The following DPP6 variants were observed in gnomAD, a reference collection of about 807,000 sequenced individuals.
DPP6 encodes the protein dipeptidyl peptidase like 6, also known as A-type potassium channel modulatory protein DPP6.
DPP6 carries 69 observed loss-of-function variants against 122.6 expected under a neutral mutation model. That is an observed-to-expected ratio of 0.56 (90% confidence interval 0.46 to 0.69). DPP6 has a LOEUF of 0.69. Ranked by LOEUF, DPP6 falls within the 30% of genes least tolerant of loss-of-function variation. The pLI, the probability that DPP6 is intolerant of heterozygous loss-of-function variation, is 0.00. For synonymous variants in DPP6, 418 were observed against 433.1 expected, an observed-to-expected ratio of 0.97 and a Z score of 0.43; for missense variants, 928 against 1,116.9, an observed-to-expected ratio of 0.83 and a Z score of 2.41.
chr7:153,771,551 G>T, the DPP6 span, among the ~76,000 whole-genome samples: 3 of 152,224 alleles, frequency 2.0e-5, no homozygotes, highest in East Asian at 5.8e-4. Context: ...TGTTGGCCAG[G>T]CTGGTCTCTA....
Position 154,481,315 on chromosome 7 carries a change from C to T in DPP6, c.457+6278C>T, listed in dbSNP as rs750910077. ...CAATTCTCTAGCTCAAATGCTCTTC[C>T]GAGCTATACACTTGGAGAGAGAGAG... On this transcript the variant is annotated intron_variant, in intron 3 of 25. Transcript: ENST00000377770. This position sits in a 1 kb window ranked among gnomAD's most constrained non-coding sequence, Gnocchi z 4.2. Among the ~76,000 whole-genome samples the T allele has an allele frequency of 1.3e-5, 2 of 151,112 alleles. No individual in the cohort carries two copies. The highest frequency in any genetic ancestry group is 4.9e-5 in the African/African-American group (2 of 40,974).
At chr7:154,515,885 GA>G (rs1448004957) in intron 3 of DPP6, among the ~76,000 whole-genome samples, 1 of 152,116 alleles carries the variant, frequency 6.6e-6, no homozygotes, top group African/African-American at 2.4e-5. Context: ...GCAGGAATAG[GA>G]AAAACCATCA....
At chr7:154,872,035 TC>T (rs1244963406) in intron 18 of DPP6, among the ~76,000 whole-genome samples, 1 of 152,116 alleles carries the variant, frequency 6.6e-6, no homozygotes, top group African/African-American at 2.4e-5. Flanking sequence ...GTACCATCCT[TC>T]CCTGGCTTCC....
chr7:154,357,835 G>A (rs973138120), intron 1 of DPP6, among the ~76,000 whole-genome samples: 10 of 152,098 alleles, frequency 6.6e-5, no homozygotes, highest in Admixed American at 2.6e-4. Flanking sequence ...CCAACTACTC[G>A]GGAGGCTGAG....
chr7:154,669,055 A>T (rs967473758), intron 6 of DPP6, among the ~76,000 whole-genome samples: 2 of 152,176 alleles, frequency 1.3e-5, no homozygotes. Context: ...TTTAACTTTG[A>T]CTGTTCTGGA....
chr7:154,690,286 T>C (rs1319390229), intron 7 of DPP6, among the ~76,000 whole-genome samples: 1 of 152,162 alleles, frequency 6.6e-6, no homozygotes, highest in Non-Finnish European at 1.5e-5. Context: ...AAGGAATTGT[T>C]AGTACAGTTT....
At chr7:154,562,847 A>G (rs531126770) in intron 4 of DPP6, among the ~76,000 whole-genome samples, 1 of 152,320 alleles carries the variant, frequency 6.6e-6, no homozygotes, top group East Asian at 1.9e-4. Context: ...ACAAAGCATC[A>G]ATTATAGTAC....
At chr7:154,273,667 C>T (rs1052442033) in intron 1 of DPP6, among the ~76,000 whole-genome samples, 3 of 152,168 alleles carry the variant, frequency 2.0e-5, no homozygotes, top group Admixed American at 2.0e-4. Flanking sequence ...TTTTAAACTA[C>T]AATTTCAAAG....
upstream of DPP6, among the ~76,000 whole-genome samples, chr7:153,886,273 A>T (rs1798908129): frequency 6.6e-6 from 1 of 152,016 alleles, no homozygotes; most frequent in Non-Finnish European, 1.5e-5. Context: ...TGGTCCAGGG[A>T]GCCAACCGCG....
At chr7:154,533,997 CAAA>C (rs34678693) in intron 3 of DPP6, among the ~76,000 whole-genome samples, 1 of 143,978 alleles carries the variant, frequency 6.9e-6, no homozygotes, top group African/African-American at 2.5e-5. Context: ...GACCCTGTCT[CAAA>C]AAAAAAAAAT....
chr7:153,832,210 T>C, the DPP6 span, among the ~76,000 whole-genome samples: 4 of 152,360 alleles, frequency 2.6e-5, no homozygotes, highest in African/African-American at 7.2e-5. Flanking sequence ...TAGCCTACTT[T>C]AGATTTCAGC....
At chr7:154,612,372 G>A (rs1833965973) in intron 5 of DPP6, among the ~76,000 whole-genome samples, 2 of 152,164 alleles carry the variant, frequency 1.3e-5, no homozygotes, top group South Asian at 4.1e-4. Context: ...CTCTAATAAT[G>A]TCATTTCAAG....
At chr7:154,705,348 A>G (rs1003733358) in intron 7 of DPP6, among the ~76,000 whole-genome samples, 4 of 152,018 alleles carry the variant, frequency 2.6e-5, no homozygotes, top group African/African-American at 9.7e-5. Flanking sequence ...ATCTCCTGCT[A>G]TTTTCCTTTC....
intron 16 of DPP6, among the ~76,000 whole-genome samples, chr7:154,837,063 G>A (rs1398940426): frequency 2.0e-5 from 3 of 152,156 alleles, no homozygotes; most frequent in Non-Finnish European, 2.9e-5. Context: ...CAACATGCAC[G>A]TACACATGCA....
chr7:154,394,617 G>A (rs1814922372), intron 1 of DPP6, among the ~76,000 whole-genome samples: 1 of 151,860 alleles, frequency 6.6e-6, no homozygotes, highest in South Asian at 2.1e-4. Context: ...ATTTTTCCTG[G>A]TTGCCTATGC....
At chr7:154,794,725 A>G (rs1053986858) in intron 11 of DPP6, among the ~76,000 whole-genome samples, 1 of 59,416 alleles carries the variant, frequency 1.7e-5, no homozygotes, top group South Asian at 5.4e-4. Context: ...ATGCTCAAAG[A>G]GTGAGCAAAG....
chr7:154,474,621 G>A (rs576141092), intron 2 of DPP6, among the ~76,000 whole-genome samples: 11 of 152,228 alleles, frequency 7.2e-5, no homozygotes, highest in South Asian at 4.2e-4. Context: ...TCTTCCTCTC[G>A]ACTATTCCCA....
intron 1 of DPP6, among the ~76,000 whole-genome samples, chr7:154,150,944 C>T (rs919506994): frequency 2.0e-5 from 3 of 152,092 alleles, no homozygotes; most frequent in African/African-American, 7.2e-5. Flanking sequence ...TCGCCTGTCT[C>T]CCTCCTCCAC....
intron 15 of DPP6, among the ~76,000 whole-genome samples, chr7:154,806,116 A>G (rs1587200900): frequency 1.3e-5 from 2 of 152,222 alleles, no homozygotes; most frequent in South Asian, 2.1e-4. Flanking sequence ...TGTGTCTACT[A>G]GGAAAATTGA....
Sources: allele counts gnomAD v4.1 joint callset (sites outside exome capture counted in the v4.1 genomes callset), GRCh38; gene constraint gnomAD v4.1.1; non-coding constraint Gnocchi (gnomAD v3.1); transcripts MANE v1.5; gene names NCBI Gene and HGNC (gene_info 2026-07-23, HGNC 2026-07-21).